The following LIN7A variants were observed in gnomAD, a reference collection of about 807,000 sequenced individuals.
The protein encoded by LIN7A is protein lin-7 homolog A.
Under a neutral mutation model 29.8 loss-of-function variants are expected in LIN7A, and 25 were observed. The observed-to-expected ratio is 0.84, with a 90% confidence interval of 0.61 to 1.17. The LOEUF (loss-of-function observed/expected upper bound fraction) is 1.17, where lower values mean the gene tolerates loss of function less well. LIN7A is among the 50% of genes most tolerant of loss of function. The probability of loss-of-function intolerance (pLI) is 0.00; values close to 1 mark genes in which losing one functional copy is unlikely to be tolerated. For synonymous variants in LIN7A, 118 were observed against 107.5 expected (o/e 1.10, Z -0.60); for missense variants, 239 against 287.0 (o/e 0.83, Z 1.21).
intron 4 of LIN7A, among the ~76,000 whole-genome samples, chr12:80,814,949 G>A (rs1318391712): frequency 1.3e-5 from 2 of 152,140 alleles, no homozygotes; most frequent in African/African-American, 2.4e-5. Context: ...TTGTACTACT[G>A]AAATGCTTTA....
intron 5 of LIN7A, among the ~76,000 whole-genome samples, chr12:80,807,324 C>A (rs1871093299): frequency 6.6e-6 from 1 of 152,062 alleles, no homozygotes; most frequent in Non-Finnish European, 1.5e-5. Context: ...CCTGCCTTGG[C>A]CTCCCAAAGT....
intron 1 of LIN7A, among the ~76,000 whole-genome samples, chr12:80,897,496 G>C (rs1239936871): frequency 6.6e-6 from 1 of 152,110 alleles, no homozygotes; most frequent in Non-Finnish European, 1.5e-5. Flanking sequence ...GCATAGAATC[G>C]TGACAATTGC....
intron 2 of LIN7A, among the ~76,000 whole-genome samples, chr12:80,875,099 C>T (rs576912350): frequency 6.6e-6 from 1 of 152,324 alleles, no homozygotes; most frequent in East Asian, 1.9e-4. Flanking sequence ...AAAACTAGAA[C>T]TAGACTGGGA....
intron 2 of LIN7A, among the ~76,000 whole-genome samples, chr12:80,874,148 TG>T (rs1198897227): frequency 6.6e-6 from 1 of 152,148 alleles, no homozygotes; most frequent in Non-Finnish European, 1.5e-5. Flanking sequence ...ATGTCAACCA[TG>T]GGAAAAACAA....
chr12:80,878,616 G>C (rs527515853), intron 2 of LIN7A, among the ~76,000 whole-genome samples: 2 of 152,168 alleles, frequency 1.3e-5, no homozygotes, highest in Non-Finnish European at 2.9e-5. Flanking sequence ...AGATCTGAGC[G>C]GGTTGCTGCT....
intron 2 of LIN7A, among the ~76,000 whole-genome samples, chr12:80,887,323 C>T (rs543237406): frequency 6.6e-6 from 1 of 152,228 alleles, no homozygotes; most frequent in African/African-American, 2.4e-5. Context: ...TACTTTTGTA[C>T]TCACACTTGT....
chr12:80,830,617 T>C (rs1008081992), intron 4 of LIN7A, among the ~76,000 whole-genome samples: 2 of 152,228 alleles, frequency 1.3e-5, no homozygotes, highest in African/African-American at 2.4e-5. Context: ...GTAGAAGATA[T>C]ATTTTTTAAA....
At chr12:80,891,971 T>A (rs764644115) in intron 1 of LIN7A, among the ~76,000 whole-genome samples, 1 of 152,042 alleles carries the variant, frequency 6.6e-6, no homozygotes, top group Non-Finnish European at 1.5e-5. Context: ...TCATGGTGGG[T>A]GTTTAAGGCC....
intron 2 of LIN7A, among the ~76,000 whole-genome samples, chr12:80,863,303 A>G (rs1873968249): frequency 6.6e-6 from 1 of 152,226 alleles, no homozygotes; most frequent in Admixed American, 6.5e-5. Flanking sequence ...AAACTAGATA[A>G]TTGATATAGA....
intron 2 of LIN7A, among the ~76,000 whole-genome samples, chr12:80,861,662 G>A (rs1047567872): frequency 5.8e-4 from 88 of 152,198 alleles, no homozygotes; most frequent in Non-Finnish European, 7.2e-4. Flanking sequence ...GATGTCCCAG[G>A]GAGCCACTGA....
At chr12:80,887,952 C>T (rs561011053) in intron 2 of LIN7A, among the ~76,000 whole-genome samples, 52 of 151,986 alleles carry the variant, frequency 3.4e-4, no homozygotes, top group Non-Finnish European at 6.6e-4. Flanking sequence ...ACAGAGTATG[C>T]GAAATTTGGC....
At chr12:80,823,634 G>T (rs1016691339) in intron 4 of LIN7A, among the ~76,000 whole-genome samples, 4 of 152,234 alleles carry the variant, frequency 2.6e-5, no homozygotes, top group Non-Finnish European at 5.9e-5. Context: ...AACTTGCCAG[G>T]CTGAATGTGT....
chr12:80,813,213 A>G (rs548399327), intron 4 of LIN7A, among the ~76,000 whole-genome samples: 28 of 152,260 alleles, frequency 1.8e-4, no homozygotes, highest in South Asian at 4.1e-4. Flanking sequence ...GGGTTTCACC[A>G]TGTTAGCCAG....
At chr12:80,807,062 A>AGGTTTTTTTT (rs1555221315) in intron 5 of LIN7A, among the ~76,000 whole-genome samples, 1 of 32,288 alleles carries the variant, frequency 3.1e-5, no homozygotes. Flanking sequence ...ATGAAGATGG[A>AGGTTTTTTTT]GTTTTTTTTT....
intron 4 of LIN7A, 94 bp downstream of exon 4, chr12:80,845,636 A>G (rs2121548905): frequency 1.0e-6 from 1 of 955,276 alleles, no homozygotes; most frequent in Non-Finnish European, 1.6e-6. Flanking sequence ...ATGAATATTT[A>G]TTCTAGGTTT....
chr12:80,805,189 T>C (rs1217060597), intron 5 of LIN7A, among the ~76,000 whole-genome samples: 1 of 152,206 alleles, frequency 6.6e-6, no homozygotes, highest in East Asian at 1.9e-4. Context: ...GTTAGTCAGC[T>C]TTATGATTAT....
At chr12:80,823,012 C>T (rs1871887168) in intron 4 of LIN7A, among the ~76,000 whole-genome samples, 1 of 152,170 alleles carries the variant, frequency 6.6e-6, no homozygotes, top group African/African-American at 2.4e-5. Flanking sequence ...ATACAAACCC[C>T]AGATTCAGCC....
chr12:80,886,090 T>A (rs1875310988), intron 2 of LIN7A, among the ~76,000 whole-genome samples: 1 of 152,110 alleles, frequency 6.6e-6, no homozygotes, highest in African/African-American at 2.4e-5. Flanking sequence ...CTGTTTTGCA[T>A]GACAACATTA....
chr12:80,919,731 C>T (rs1479049097), intron 1 of LIN7A, among the ~76,000 whole-genome samples: 2 of 152,168 alleles, frequency 1.3e-5, no homozygotes, highest in Admixed American at 1.3e-4. Context: ...GGGCAGGGAA[C>T]TCTCCCACAC....
Sources: allele counts gnomAD v4.1 joint callset (sites outside exome capture counted in the v4.1 genomes callset), GRCh38; gene constraint gnomAD v4.1.1; transcripts MANE v1.5; gene names NCBI Gene and HGNC (gene_info 2026-07-23, HGNC 2026-07-21).